The following SLC25A18 variants were observed in gnomAD, a reference collection of about 807,000 sequenced individuals.
The protein encoded by SLC25A18 is solute carrier family 25 member 18.
Under a neutral mutation model 31.1 loss-of-function variants are expected in SLC25A18, and 24 were observed. The ratio of observed to expected loss-of-function variants is 0.77; its 90% CI spans 0.56 to 1.08. The LOEUF (loss-of-function observed/expected upper bound fraction) is 1.08, where lower values mean the gene tolerates loss of function less well. Among genes scored for constraint, SLC25A18 ranks in the 50% least tolerant of loss-of-function variants. The pLI, the probability that SLC25A18 is intolerant of heterozygous loss-of-function variation, is 0.00. For synonymous variants in SLC25A18, 173 were observed against 161.9 expected (o/e 1.07, Z -0.52); for missense variants, 371 against 418.5 (o/e 0.89, Z 0.99).
chr22:17,589,495 TG>T, intron 9 of SLC25A18, 94 bp from the exon 10 acceptor site: 1 of 1,103,562 alleles, frequency 9.1e-7, no homozygotes, highest in Non-Finnish European at 1.3e-6. Context: ...GTTTTATATG[TG>T]GTGGCTCTAC....
intron 2 of SLC25A18, among the ~76,000 whole-genome samples, chr22:17,576,945 C>T (rs746532063): frequency 2.0e-5 from 3 of 152,116 alleles, no homozygotes; most frequent in African/African-American, 2.4e-5. Context: ...CTGCAACCTC[C>T]GCCTCCTGGG....
intron 3 of SLC25A18, 55 bp downstream of exon 3, chr22:17,580,019 G>A (rs1387451164): frequency 1.4e-5 from 21 of 1,552,968 alleles, no homozygotes; most frequent in South Asian, 4.6e-5. Context: ...GCGGAGAGTC[G>A]CTGTGGTGAT....
intron 1 of SLC25A18, among the ~76,000 whole-genome samples, chr22:17,567,534 C>T (rs1334116587): frequency 6.6e-6 from 1 of 151,298 alleles, no homozygotes; most frequent in African/African-American, 2.4e-5. Flanking sequence ...AGTGCTGATT[C>T]TTCACCTCTC....
chr22:17,587,638 C>T (rs907142187), intron 8 of SLC25A18, among the ~76,000 whole-genome samples: 5 of 152,210 alleles, frequency 3.3e-5, no homozygotes, highest in Admixed American at 1.3e-4. Context: ...CCTTAGCCTG[C>T]CTGCCCCTGT....
rs368255981 is a variant in SLC25A18 at position 17,581,475 on chromosome 22, A to G, written c.199+62A>G. The G allele has an allele frequency of 9.6e-5, 152 of 1,575,202 alleles. No homozygotes were observed. In the African/African-American group the frequency reaches 1.8e-3, roughly 19 times the overall value. On this transcript the variant is annotated intron_variant, in intron 5 of 10. Transcript: ENST00000327451. ...GGTGTGAGCGTATGGGACATGGGGA[A>G]CTGGTGTTCCTTCCGTTGCTGCGGG...
intron 7 of SLC25A18, among the ~76,000 whole-genome samples, chr22:17,586,354 C>A (rs1377960183): frequency 6.7e-6 from 1 of 149,812 alleles, no homozygotes; most frequent in South Asian, 2.1e-4. Context: ...ACTAAAAATA[C>A]AAAAATCAGC....
At chr22:17,572,637 A>ATT (rs1274237439) in intron 2 of SLC25A18, among the ~76,000 whole-genome samples, 3,146 of 108,342 alleles carry the variant, frequency 0.029, 102 homozygotes, top group Middle Eastern at 0.048. Context: ...CTACAAATAA[A>ATT]TTTTTTTTTT....
In SLC25A18 at chr22:17,588,083, A is replaced by G. The variant is rs771426965; in HGVS notation, c.730+4A>G. On this transcript the variant is annotated splice_donor_region_variant and intron_variant, in intron 9 of 10. Coordinates refer to ENST00000327451, the MANE Select transcript of SLC25A18 (RefSeq NM_031481.3). ...GTCGCAGTGACGCCTCTAGATGGTA[A>G]GGAGTTGGGAGACGTGTCCTTTCTA... 2 of 1,613,942 alleles carry G rather than the reference A, an allele frequency of 1.2e-6. No individual in the cohort carries two copies. Among genetic ancestry groups the G allele is most frequent in the East Asian group, 2.2e-5 (1 of 44,878 alleles).
chr22:17,588,680 C>T (rs2057623781), intron 9 of SLC25A18: 1 of 151,992 alleles, frequency 6.6e-6, no homozygotes, highest in African/African-American at 2.4e-5. Context: ...AAATTTGCGG[C>T]TAATGGTGGG....
chr22:17,588,144 CAGCCTGACCCTGGA>C, intron 9 of SLC25A18, 65 bp downstream of exon 9: 1 of 1,584,332 alleles, frequency 6.3e-7, no homozygotes, highest in Non-Finnish European at 8.6e-7. Context: ...ATAGATAAAA[CAGCCTGACCCTGGA>C]AGCCATACTG....
Position 17,590,360 on chromosome 22 carries a change from C to A in SLC25A18, c.*124C>A. ...CTGGTCCTCTGCGTTGTAGTGCTAC[C>A]TCAATCTCGGGAGAAACAGCCCTAT... is the stretch of plus-strand genomic sequence containing the variant. On this transcript the variant is annotated 3_prime_UTR_variant, in exon 11 of 11. Coordinates refer to ENST00000327451, the MANE Select transcript of SLC25A18 (RefSeq NM_031481.3). 3 of 1,187,106 alleles carry A rather than the reference C, an allele frequency of 2.5e-6. No individual in the cohort carries two copies. The highest frequency in any genetic ancestry group is 3.6e-6 in the Non-Finnish European group (3 of 843,704). 73.5% of individuals were successfully genotyped at this position (1,187,106 alleles called of 1,614,324 possible). A position where few individuals can be genotyped will look rare whatever the true frequency, so the allele number is the denominator to read the frequency against.
chr22:17,572,063 T>C (rs1264572477), intron 2 of SLC25A18, among the ~76,000 whole-genome samples: 2 of 149,414 alleles, frequency 1.3e-5, no homozygotes, highest in East Asian at 4.0e-4. Flanking sequence ...GGTGCGTGCC[T>C]GTAATCCCAG....
chr22:17,571,157 A>G (rs1306284226), intron 2 of SLC25A18, among the ~76,000 whole-genome samples: 1 of 152,186 alleles, frequency 6.6e-6, no homozygotes, highest in African/African-American at 2.4e-5. Flanking sequence ...GTGGGAAGGC[A>G]GCCCCCGCGC....
rs2057043981 is a variant in SLC25A18, at chr22:17,569,979, G to GA, written c.-205dup. On this transcript the variant is annotated 5_prime_UTR_variant, in exon 2 of 11. Transcript: ENST00000327451. ...TCCAGAAAAGGCAGAGGTTCTTACC[G>GA]AAAGCAGGTAAGTGTCTTGTCTGTC... 1 of 985,298 alleles carries GA rather than the reference G, an allele frequency of 1.0e-6. No homozygotes were observed. The highest frequency in any genetic ancestry group is 6.2e-5 in the Admixed American group (1 of 16,246). The allele number at this position is 985,298 out of a possible 1,614,324, so 61.0% of individuals were successfully genotyped here.
intron 2 of SLC25A18, among the ~76,000 whole-genome samples, chr22:17,576,069 G>A (rs1356828402): frequency 6.6e-6 from 1 of 152,146 alleles, no homozygotes; most frequent in Non-Finnish European, 1.5e-5. Context: ...AGAAGGTAGA[G>A]GAGGCCGGGC....
Position 17,587,240 on chromosome 22 carries a change from G to A in SLC25A18, c.514G>A (p.Glu172Lys). The A allele has an allele frequency of 6.2e-7, 1 of 1,614,026 alleles. No homozygotes were observed. Among genetic ancestry groups the A allele is most frequent in the Non-Finnish European group, 8.5e-7 (1 of 1,180,030 alleles). Residue 172 changes from glutamate (E) to lysine (K), a missense_variant, in exon 8 of 11, where the codon GAG becomes AAG. Physicochemically the swap from Glu to Lys is moderately conservative, Grantham distance 56. Transcript: ENST00000327451. ...RRPSATLIAW[E>K]LLRTQGLAGL... ...CCCCTCTGCCACCCTCATTGCCTGG[G>A]AGCTGCTCCGCACTCAGGGCCTGGC...
intron 2 of SLC25A18, among the ~76,000 whole-genome samples, chr22:17,579,063 T>G (rs536379593): frequency 1.3e-4 from 19 of 150,142 alleles, no homozygotes; most frequent in African/African-American, 4.2e-4. Flanking sequence ...TAAGTGGGTT[T>G]TTTGTTTGTT....
At chr22:17,574,854 T>C (rs918031359) in intron 2 of SLC25A18, among the ~76,000 whole-genome samples, 2 of 63,104 alleles carry the variant, frequency 3.2e-5, no homozygotes, top group African/African-American at 2.0e-4. Flanking sequence ...TATTATTATT[T>C]ATATATGTAT....
chr22:17,586,164 G>A (rs1307896040), intron 7 of SLC25A18, among the ~76,000 whole-genome samples: 1 of 152,138 alleles, frequency 6.6e-6, no homozygotes, highest in East Asian at 1.9e-4. Context: ...TTTAGGACAC[G>A]GGAATTTCAT....
Sources: allele counts gnomAD v4.1 joint callset (sites outside exome capture counted in the v4.1 genomes callset), GRCh38; gene constraint gnomAD v4.1.1; transcripts MANE v1.5; gene names NCBI Gene and HGNC (gene_info 2026-07-23, HGNC 2026-07-21).